POLR3A: variants seen among roughly 807,000 people sequenced by gnomAD.
The protein encoded by POLR3A is DNA-directed RNA polymerase III subunit RPC1.
POLR3A carries 112 observed loss-of-function variants against 152.8 expected under a neutral mutation model. The ratio of observed to expected loss-of-function variants is 0.73; its 90% CI spans 0.63 to 0.86. POLR3A has a LOEUF of 0.86. Among genes scored for constraint, POLR3A ranks in the 40% least tolerant of loss-of-function variants. The pLI is 0.00. For synonymous variants in POLR3A, 615 were observed against 652.1 expected (o/e 0.94, Z 0.87); for missense variants, 1,385 against 1,743.1 (o/e 0.79, Z 3.66).
At chr10:77,981,608 T>G in intron 28 of POLR3A, 49 bp from the exon 29 acceptor site, 1 of 1,606,796 alleles carries the variant, frequency 6.2e-7, no homozygotes, top group Non-Finnish European at 8.5e-7. Context: ...GGGAGGCCAC[T>G]GCAAATTCTC....
intron 17 of POLR3A, 21 bp from the exon 18 acceptor site, chr10:78,001,115 T>C: frequency 7.7e-7 from 1 of 1,299,046 alleles, no homozygotes; most frequent in Non-Finnish European, 1.1e-6. Flanking sequence ...GGACCAGAAA[T>C]GTAACATTCA....
chr10:78,011,419 G>A (rs996039408), intron 11 of POLR3A, among the ~76,000 whole-genome samples: 1 of 152,214 alleles, frequency 6.6e-6, no homozygotes. Context: ...GTGTGTATGA[G>A]AGTACATTTG....
intron 26 of POLR3A, 139 bp downstream of exon 26, chr10:77,983,781 C>A (rs965295363): frequency 5.7e-6 from 4 of 702,166 alleles, no homozygotes; most frequent in Non-Finnish European, 1.0e-5. Context: ...GAGGGGACAA[C>A]AGAATCACAA....
intron 14 of POLR3A, among the ~76,000 whole-genome samples, chr10:78,009,046 A>G (rs7915249): frequency 0.085 from 12,740 of 149,982 alleles, 1,733 homozygotes; most frequent in African/African-American, 0.29. Flanking sequence ...CAAGCTACTC[A>G]GGAGGCTGAG....
intron 19 of POLR3A, among the ~76,000 whole-genome samples, chr10:77,996,565 A>AAATG (rs1395032614): frequency 6.6e-6 from 1 of 152,198 alleles, no homozygotes; most frequent in Non-Finnish European, 1.5e-5. Flanking sequence ...AATCTAGAAG[A>AAATG]AATGGATAAA....
intron 11 of POLR3A, among the ~76,000 whole-genome samples, chr10:78,012,527 C>T (rs1847476328): frequency 6.6e-6 from 1 of 152,066 alleles, no homozygotes; most frequent in South Asian, 2.1e-4. Context: ...GAGGTAGGGA[C>T]ACTTACAACT....
intron 10 of POLR3A, among the ~76,000 whole-genome samples, chr10:78,014,180 C>T (rs1050924214): frequency 4.0e-5 from 6 of 150,930 alleles, no homozygotes; most frequent in Non-Finnish European, 7.4e-5. Context: ...AAAAAAAAGA[C>T]TCATTCGAGA....
intron 14 of POLR3A, among the ~76,000 whole-genome samples, chr10:78,009,152 CAAAA>C (rs59670962): frequency 0.1 from 3,246 of 32,622 alleles, 78 homozygotes; most frequent in African/African-American, 0.21. Context: ...GACTTAGTCT[CAAAA>C]AAAAAAAAAA....
At chr10:77,994,529 G>A (rs11002358) in intron 19 of POLR3A, among the ~76,000 whole-genome samples, 8,205 of 151,222 alleles carry the variant, frequency 0.054, 730 homozygotes, top group African/African-American at 0.18. Flanking sequence ...AGACTCAGTA[G>A]CCAATGCGAT....
At position 78,007,733 on chromosome 10, in the gene POLR3A, T is replaced by C. The variant is rs1247261501; in HGVS notation, c.2043A>G (p.Ser681=). ...WGQNEAADAM[S]RLARLAPVYL... ...AGACAGGAGCCAGCCTGGCGAGCCG[T>C]GACATGGCATCTGCAGCTTCATTCT... Residue 681 remains serine (S), a synonymous_variant, in exon 15 of 31, where the codon TCA becomes TCG. Transcript: ENST00000372371. 1 of 1,614,122 alleles carries C rather than the reference T, an allele frequency of 6.2e-7. No individual in the cohort carries two copies. The highest frequency in any genetic ancestry group is 2.2e-5 in the East Asian group (1 of 44,882).
intron 24 of POLR3A, among the ~76,000 whole-genome samples, chr10:77,984,684 T>A (rs989872748): frequency 6.6e-5 from 10 of 152,234 alleles, no homozygotes; most frequent in African/African-American, 2.2e-4. Context: ...TTTTGTTAAA[T>A]ATAGGTCATA....
At chr10:77,997,483 G>A (rs370866341) in intron 19 of POLR3A, among the ~76,000 whole-genome samples, 5 of 152,082 alleles carry the variant, frequency 3.3e-5, no homozygotes, top group South Asian at 2.1e-4. Flanking sequence ...AAATCAATGT[G>A]CAAAAATCAC....
chr10:78,014,510 G>A (rs1281873652), intron 10 of POLR3A, among the ~76,000 whole-genome samples: 3 of 151,882 alleles, frequency 2.0e-5, no homozygotes, highest in Non-Finnish European at 4.4e-5. Flanking sequence ...TCTGTCTCCC[G>A]GGTTCAAGCA....
At chr10:78,001,414 G>C (rs996414343) in intron 17 of POLR3A, among the ~76,000 whole-genome samples, 3 of 152,082 alleles carry the variant, frequency 2.0e-5, no homozygotes, top group Admixed American at 6.5e-5. Context: ...TAAAGGGAGA[G>C]GGGGAGGAAT....
intron 19 of POLR3A, 33 bp from the exon 20 acceptor site, chr10:77,993,400 T>A (rs1240537531): frequency 6.4e-7 from 1 of 1,555,220 alleles, no homozygotes; most frequent in Non-Finnish European, 8.9e-7. Flanking sequence ...CTCAGCTGCT[T>A]TGAGAAGACT....
chr10:78,010,148 C>T (rs1039509907), intron 12 of POLR3A, among the ~76,000 whole-genome samples, 157 bp from the exon 13 acceptor site: 1 of 152,152 alleles, frequency 6.6e-6, no homozygotes, highest in Non-Finnish European at 1.5e-5. Flanking sequence ...GATCTACCTC[C>T]ACAGGAACGT....
In POLR3A at chr10:77,977,326, A is replaced by C; in HGVS notation, c.*152T>G. 1 of 784,966 alleles carries C rather than the reference A, an allele frequency of 1.3e-6. No homozygotes were observed. The allele number at this position is 784,966 out of a possible 1,614,324, so 48.6% of individuals were successfully genotyped here. ...GTGAGCTGCACCCTATCAGAGGAGA[A>C]GCTGCTCCTGGGGATGCCAAGAGGG... is the stretch of plus-strand genomic sequence containing the variant. On this transcript the variant is annotated 3_prime_UTR_variant, in exon 31 of 31. Transcript: ENST00000372371.
Position 78,025,622 on chromosome 10 carries a change from C to T in POLR3A, c.318G>A (p.Gln106=). Reference sequence around the variant, plus strand: ...TGGAAATCAGCACCTGTGTGCTTACCTGTAAGATGCCTATGACTGCTCTGA... The same window carrying T: ...TGGAAATCAGCACCTGTGTGCTTACTTGTAAGATGCCTATGACTGCTCTGA... The part of the protein sequence containing the change: ...GYFRAVIGIL[Q]MICKTCCHIM... The change falls in exon 3 of 31, where the codon CAG becomes CAA. Residue 106 remains glutamine, a splice_region_variant and synonymous_variant. Coordinates refer to ENST00000372371, the MANE Select transcript of POLR3A (RefSeq NM_007055.4). 6.2e-7 allele frequency: 1 copy of T among 1,614,122 alleles called. No individual in the cohort carries two copies. The highest frequency in any genetic ancestry group is 8.5e-7 in the Non-Finnish European group (1 of 1,179,980).
intron 14 of POLR3A, among the ~76,000 whole-genome samples, 157 bp from the exon 15 acceptor site, chr10:78,008,023 G>A (rs532593309): frequency 6.8e-6 from 1 of 146,872 alleles, no homozygotes; most frequent in Non-Finnish European, 1.5e-5. Flanking sequence ...GGGAGGGAGG[G>A]GGGGTTAAAG....
Sources: allele counts gnomAD v4.1 joint callset (sites outside exome capture counted in the v4.1 genomes callset), GRCh38; gene constraint gnomAD v4.1.1; transcripts MANE v1.5; gene names NCBI Gene and HGNC (gene_info 2026-07-23, HGNC 2026-07-21).